KRABD2: variants seen among roughly 807,000 people sequenced by gnomAD.
KRABD2 encodes the protein KRAB domain containing 2.
At chr17:8,361,908 CTAGT>C in the KRABD2 span, among the ~76,000 whole-genome samples, 2 of 152,194 alleles carry the variant, frequency 1.3e-5, no homozygotes, top group African/African-American at 4.8e-5. Flanking sequence ...GAACCCTGGG[CTAGT>C]TATTACTTTC....
the KRABD2 span, chr17:8,370,110 T>C: frequency 6.2e-7 from 1 of 1,614,058 alleles, no homozygotes; most frequent in African/African-American, 1.3e-5. Context: ...CTCTGTGCCC[T>C]GTACAGAGAT....
At chr17:8,364,048 TA>T in the KRABD2 span, among the ~76,000 whole-genome samples, 1 of 151,624 alleles carries the variant, frequency 6.6e-6, no homozygotes, top group Non-Finnish European at 1.5e-5. The surrounding 1 kb of genome is among the most constrained non-coding windows in gnomAD (Gnocchi z 4.4). Flanking sequence ...TTTGTATTTT[TA>T]GTAGAGACAG....
At chr17:8,363,826 CATACATAT>C in the KRABD2 span, among the ~76,000 whole-genome samples, 17 of 54,178 alleles carry the variant, frequency 3.1e-4, no homozygotes, top group African/African-American at 1.2e-3. Context: ...ATATATATAT[CATACATAT>C]ATATATATAT....
At chr17:8,373,778 C>CAA in the KRABD2 span, 1 of 167,238 alleles carries the variant, frequency 6.0e-6, no homozygotes, top group Admixed American at 6.4e-5. Flanking sequence ...GCGCCTCTGC[C>CAA]CCGCCGCCCC....
chr17:8,376,696 A>G, the KRABD2 span: 3 of 984,384 alleles, frequency 3.0e-6, no homozygotes, highest in Non-Finnish European at 3.6e-6. Context: ...GCCCCCGAGC[A>G]GCAACTCCGC....
At chr17:8,361,332 C>A in the KRABD2 span, among the ~76,000 whole-genome samples, 4 of 152,118 alleles carry the variant, frequency 2.6e-5, no homozygotes, top group Non-Finnish European at 5.9e-5. Flanking sequence ...AACTTTAAAA[C>A]GAGTTGGTTC....
chr17:8,359,628 T>C, the KRABD2 span: 451 of 455,970 alleles, frequency 9.9e-4, no homozygotes, highest in African/African-American at 8.7e-3. Flanking sequence ...AAGCCCAGAA[T>C]GACAGTGGAT....
the KRABD2 span, among the ~76,000 whole-genome samples, chr17:8,362,875 G>A: frequency 6.6e-6 from 1 of 152,268 alleles, no homozygotes; most frequent in East Asian, 1.9e-4. The surrounding 1 kb of genome is among the most constrained non-coding windows in gnomAD (Gnocchi z 4.2). Context: ...GAGTGAGGTG[G>A]CATTTTTATA....
chr17:8,376,490 GCCT>G, the KRABD2 span: 4 of 1,005,286 alleles, frequency 4.0e-6, no homozygotes, highest in African/African-American at 1.7e-5. Flanking sequence ...CTGGGATGTC[GCCT>G]CCTTTGTGTA....
chr17:8,365,917 G>GGCATTC, the KRABD2 span, among the ~76,000 whole-genome samples: 1 of 152,042 alleles, frequency 6.6e-6, no homozygotes, highest in African/African-American at 2.4e-5. Flanking sequence ...CATGAGGTCA[G>GGCATTC]GCATTCGAGA....
chr17:8,375,462 C>T, the KRABD2 span, among the ~76,000 whole-genome samples: 1 of 152,094 alleles, frequency 6.6e-6, no homozygotes, highest in African/African-American at 2.4e-5. Context: ...CCCAGGACGT[C>T]GGGACCTACT....
the KRABD2 span, chr17:8,371,507 CAA>C: frequency 3.1e-6 from 5 of 1,604,750 alleles, no homozygotes; most frequent in Non-Finnish European, 3.4e-6. Flanking sequence ...GGGGAAGAGA[CAA>C]GAGAGGGCAC....
the KRABD2 span, among the ~76,000 whole-genome samples, chr17:8,374,247 T>C: frequency 6.6e-6 from 1 of 152,216 alleles, no homozygotes; most frequent in African/African-American, 2.4e-5. Context: ...TAGAAAGAAG[T>C]AGACATAGGA....
At chr17:8,371,498 G>C in the KRABD2 span, 1 of 1,608,896 alleles carries the variant, frequency 6.2e-7, no homozygotes, top group Non-Finnish European at 8.5e-7. Flanking sequence ...AGCAGGACTG[G>C]GGAAGAGACA....
At chr17:8,366,339 G>A in the KRABD2 span, among the ~76,000 whole-genome samples, 2 of 152,130 alleles carry the variant, frequency 1.3e-5, no homozygotes, top group Non-Finnish European at 2.9e-5. Flanking sequence ...TCATGGCCCA[G>A]ACTGGCCTTG....
the KRABD2 span, chr17:8,375,822 G>T: frequency 1.0e-6 from 1 of 998,322 alleles, no homozygotes; most frequent in Non-Finnish European, 1.3e-6. Flanking sequence ...TGTGATCTAT[G>T]TGACGGCTAG....
the KRABD2 span, chr17:8,373,860 C>T: frequency 0.39 from 60,992 of 155,596 alleles, 12,642 homozygotes; most frequent in Admixed American, 0.5. Flanking sequence ...TCTGCCCGAC[C>T]GCCACCCCGT....
At chr17:8,373,149 CTCTCCG>C in the KRABD2 span, among the ~76,000 whole-genome samples, 85,372 of 150,054 alleles carry the variant, frequency 0.57, 24,908 homozygotes, top group East Asian at 0.91. Flanking sequence ...CTCTCTCCCT[CTCTCCG>C]TCTCCGTCTC....
At chr17:8,373,905 C>T in the KRABD2 span, 14 of 158,822 alleles carry the variant, frequency 8.8e-5, no homozygotes, top group Admixed American at 2.0e-4. Context: ...CCAGCCGCCC[C>T]GTCTGAGAAG....
Sources: allele counts gnomAD v4.1 joint callset (sites outside exome capture counted in the v4.1 genomes callset), GRCh38; gene constraint gnomAD v4.1.1; non-coding constraint Gnocchi (gnomAD v3.1); transcripts MANE v1.5; gene names NCBI Gene and HGNC (gene_info 2026-07-23, HGNC 2026-07-21).